FAM133B: variants seen among roughly 807,000 people sequenced by gnomAD.
FAM133B encodes the protein family with sequence similarity 133 member B, also known as protein FAM133B.
FAM133B carries 25 observed loss-of-function variants against 46.4 expected under a neutral mutation model. That is an observed-to-expected ratio of 0.54 (90% CI 0.39 to 0.75). The LOEUF (loss-of-function observed/expected upper bound fraction) is 0.75, where lower values mean the gene tolerates loss of function less well. Ranked by LOEUF, FAM133B falls within the 30% of genes least tolerant of loss-of-function variation. FAM133B has a pLI of 0.00. For missense variants in FAM133B, 205 were observed against 277.6 expected, an observed-to-expected ratio of 0.74 and a Z score of 1.86; for synonymous variants, 75 against 86.0, an observed-to-expected ratio of 0.87 and a Z score of 0.71.
At chr7:92,574,735 C>T (rs1057183920) in intron 8 of FAM133B, among the ~76,000 whole-genome samples, 17 of 151,274 alleles carry the variant, frequency 1.1e-4, no homozygotes, top group Non-Finnish European at 1.9e-4. Context: ...GAAACCCCGT[C>T]TCTACTAAAA....
intron 1 of FAM133B, among the ~76,000 whole-genome samples, chr7:92,582,995 AAAG>A (rs1794932924): frequency 6.6e-6 from 1 of 152,216 alleles, no homozygotes; most frequent in African/African-American, 2.4e-5. Context: ...AAAAGAATTC[AAAG>A]AAGGGACTAA....
rs1794443381 is a variant in FAM133B at position 92,568,768 on chromosome 7, T to C, written c.609+1055A>G. Among the ~76,000 whole-genome samples, 5 of 152,224 alleles carry C rather than the reference T, an allele frequency of 3.3e-5. 1 individual carries two copies. In the South Asian group the frequency reaches 1.0e-3, roughly 32 times the overall value. On this transcript the variant is annotated intron_variant, in intron 9 of 10. Transcript: ENST00000445716. ...AGAGATGGGGTCTTGCTATGTCACC[T>C]GGGCTAGAGTGCAGTGGCTATTCAC...
intron 1 of FAM133B, among the ~76,000 whole-genome samples, chr7:92,588,818 T>A (rs184665692): frequency 5.3e-4 from 81 of 152,174 alleles, no homozygotes; most frequent in Middle Eastern, 6.8e-3. Flanking sequence ...ACTCTCCCCG[T>A]CCCTCTCTTG....
chr7:92,587,288 T>C (rs758963597), intron 1 of FAM133B, among the ~76,000 whole-genome samples: 4 of 152,192 alleles, frequency 2.6e-5, no homozygotes, highest in Non-Finnish European at 4.4e-5. Context: ...AAAATGCCAA[T>C]ATTTTCACAA....
intron 5 of FAM133B, 178 bp from the exon 6 acceptor site, chr7:92,577,895 G>C (rs1245946174): frequency 1.5e-6 from 1 of 654,206 alleles, no homozygotes; most frequent in African/African-American, 1.8e-5. Flanking sequence ...AGCTCAACAA[G>C]TTAACATATG....
At chr7:92,581,703 C>T in intron 1 of FAM133B, 100 bp from the exon 2 acceptor site, 1 of 864,044 alleles carries the variant, frequency 1.2e-6, no homozygotes, top group Non-Finnish European at 1.9e-6. Flanking sequence ...CATAATATAT[C>T]CAGCTAAGTA....
intron 1 of FAM133B, among the ~76,000 whole-genome samples, chr7:92,584,069 A>G (rs991670086): frequency 1.5e-4 from 23 of 150,428 alleles, no homozygotes; most frequent in Non-Finnish European, 1.2e-4. Flanking sequence ...AAAAAAAAAA[A>G]AAAAGAAAGG....
At chr7:92,584,635 G>A (rs2116422134) in intron 1 of FAM133B, among the ~76,000 whole-genome samples, 1 of 152,258 alleles carries the variant, frequency 6.6e-6, no homozygotes, top group South Asian at 2.1e-4. Flanking sequence ...TAAAGACAGA[G>A]GCATATTGTT....
At chr7:92,577,054 T>G (rs561932770) in intron 7 of FAM133B, 49 bp downstream of exon 7, 1 of 1,203,074 alleles carries the variant, frequency 8.3e-7, no homozygotes, top group African/African-American at 1.6e-5. Context: ...GCAGAAAAAC[T>G]TAATTAAATG....
chr7:92,571,997 G>A (rs182671062), intron 8 of FAM133B, among the ~76,000 whole-genome samples: 37 of 152,100 alleles, frequency 2.4e-4, no homozygotes, highest in Non-Finnish European at 4.4e-5. Context: ...TTTTCTAATT[G>A]AGTATTTTAT....
At chr7:92,565,733 G>A (rs181870409) in intron 10 of FAM133B, 87 of 354,512 alleles carry the variant, frequency 2.5e-4, no homozygotes, top group African/African-American at 1.7e-3. Context: ...AAAGTGCTGG[G>A]ATTACAGGCG....
chr7:92,569,669 A>C (rs568066893), intron 9 of FAM133B, 154 bp downstream of exon 9: 384 of 395,226 alleles, frequency 9.7e-4, no homozygotes, highest in Non-Finnish European at 1.4e-3. Flanking sequence ...AAAAAAGCAA[A>C]ACTCATTCTG....
At chr7:92,587,010 A>G (rs1795054334) in intron 1 of FAM133B, among the ~76,000 whole-genome samples, 1 of 152,236 alleles carries the variant, frequency 6.6e-6, no homozygotes, top group Admixed American at 6.5e-5. Flanking sequence ...ATGTAGGTTC[A>G]TGAAATGTAA....
intron 8 of FAM133B, among the ~76,000 whole-genome samples, chr7:92,572,778 C>T: frequency 6.6e-6 from 1 of 152,028 alleles, no homozygotes; most frequent in Admixed American, 6.6e-5. Flanking sequence ...AAGAAATATC[C>T]ACAGCAGCAC....
intron 7 of FAM133B, among the ~76,000 whole-genome samples, chr7:92,576,601 C>G (rs1331071586): frequency 6.6e-6 from 1 of 152,190 alleles, no homozygotes; most frequent in East Asian, 1.9e-4. Flanking sequence ...CAAGCCTAAT[C>G]AGATACTAAA....
chr7:92,570,344 C>A (rs1214428063), intron 8 of FAM133B, among the ~76,000 whole-genome samples: 2 of 151,912 alleles, frequency 1.3e-5, no homozygotes, highest in Non-Finnish European at 2.9e-5. Flanking sequence ...TCCTTTAGCG[C>A]AAAGTGTTAA....
intron 1 of FAM133B, among the ~76,000 whole-genome samples, chr7:92,588,039 T>G (rs1795086457): frequency 6.6e-6 from 1 of 152,152 alleles, no homozygotes; most frequent in South Asian, 2.1e-4. Context: ...GTCAGATGAC[T>G]GAAGTTTTGG....
chr7:92,564,088 C>T (rs559044492), intron 10 of FAM133B, among the ~76,000 whole-genome samples: 14 of 152,248 alleles, frequency 9.2e-5, no homozygotes, highest in Non-Finnish European at 2.1e-4. Context: ...TTACTTCCTA[C>T]CCTCATTGTA....
rs372774049 is a variant in FAM133B, at chr7:92,575,912, A to G, written c.466-91T>C. ...AAACACCCAAAAAGTGATTTGCTCT[A>G]TGACTGAAAAAAGGCTACTCCAATC... On this transcript the variant is annotated intron_variant, in intron 7 of 10. Transcript: ENST00000445716. 21 of 522,946 alleles carry G rather than the reference A, an allele frequency of 4.0e-5. No homozygotes were observed. The South Asian group carries it at 6.2e-4, about 16-fold the overall frequency. The allele number at this position is 522,946 out of a possible 1,614,324, so 32.4% of individuals were successfully genotyped here. A position where few individuals can be genotyped will look rare whatever the true frequency, so the allele number is the denominator to read the frequency against.
Sources: allele counts gnomAD v4.1 joint callset (sites outside exome capture counted in the v4.1 genomes callset), GRCh38; gene constraint gnomAD v4.1.1; transcripts MANE v1.5; gene names NCBI Gene and HGNC (gene_info 2026-07-23, HGNC 2026-07-21).